FHIP1A: variants seen among roughly 807,000 people sequenced by gnomAD.
FHIP1A encodes FHF complex subunit HOOK-interacting protein 1A.
In FHIP1A, 61 loss-of-function variants were observed where a neutral mutation model predicts 88.6. That is an observed-to-expected ratio of 0.69 (90% CI 0.56 to 0.85). The LOEUF (loss-of-function observed/expected upper bound fraction) is 0.85. FHIP1A is among the 40% of genes least tolerant of loss of function. FHIP1A has a pLI of 0.00. For missense variants in FHIP1A, 1,154 were observed against 1,273.5 expected (o/e 0.91, Z 1.43); for synonymous variants, 478 against 496.0 (o/e 0.96, Z 0.48).
At chr4:151,621,707 G>A (rs1390135183) in intron 7 of FHIP1A, among the ~76,000 whole-genome samples, 1 of 152,046 alleles carries the variant, frequency 6.6e-6, no homozygotes, top group East Asian at 1.9e-4. Flanking sequence ...CCCCTCTACT[G>A]TGGGTTTTAA....
At chr4:151,586,919 G>A (rs1323780122) in intron 6 of FHIP1A, 120 bp downstream of exon 6, 6 of 795,068 alleles carry the variant, frequency 7.5e-6, no homozygotes, top group East Asian at 2.9e-5. Context: ...TGGAATATTG[G>A]TGCTTTAAGC....
rs564070484 is a variant in FHIP1A at position 151,444,361 on chromosome 4, A to G, written c.-355-10340A>G. Among the ~76,000 whole-genome samples the G allele has an allele frequency of 2.0e-5, 3 of 152,266 alleles. No homozygotes were observed. In the South Asian group the frequency reaches 6.2e-4, roughly 32 times the overall value. ...CTTTTATTTTGCTTTTTAAAATGAG[A>G]CATATACATATAAAAGAATATACAT... On this transcript the variant is annotated intron_variant, in intron 1 of 13. Transcript: ENST00000435205.
rs1269376330 is a variant in FHIP1A, at chr4:151,461,359, G to A, written c.-248+6551G>A. Among the ~76,000 whole-genome samples the A allele has an allele frequency of 3.9e-5, 6 of 152,184 alleles. No homozygotes were observed. The South Asian group carries it at 1.0e-3, about 26-fold the overall frequency. On this transcript the variant is annotated intron_variant, in intron 2 of 13. Transcript: ENST00000435205. Reference sequence around the variant, plus strand: ...CCCAGCAAATGGTCAGGCTTATTTTGTTGATGCTGCCTACCTAAGTGTGAG... The same window carrying A: ...CCCAGCAAATGGTCAGGCTTATTTTATTGATGCTGCCTACCTAAGTGTGAG...
chr4:151,548,559 T>C (rs1015815657), intron 3 of FHIP1A, among the ~76,000 whole-genome samples: 4 of 152,214 alleles, frequency 2.6e-5, no homozygotes, highest in African/African-American at 9.6e-5. Context: ...AAGTGACCTC[T>C]GGTGGTCCTC....
At chr4:151,505,003 C>A (rs567248506) in intron 3 of FHIP1A, among the ~76,000 whole-genome samples, 1 of 152,130 alleles carries the variant, frequency 6.6e-6, no homozygotes, top group African/African-American at 2.4e-5. Context: ...CCCATTACCC[C>A]CCGACCCAGT....
chr4:151,556,077 T>C (rs1332753311), intron 3 of FHIP1A, among the ~76,000 whole-genome samples: 1 of 152,150 alleles, frequency 6.6e-6, no homozygotes, highest in Non-Finnish European at 1.5e-5. Flanking sequence ...TCTCTAGTGC[T>C]AAGGTATATA....
intron 3 of FHIP1A, among the ~76,000 whole-genome samples, chr4:151,551,900 A>G (rs1732749824): frequency 2.0e-5 from 3 of 152,246 alleles, no homozygotes; most frequent in African/African-American, 7.2e-5. Flanking sequence ...GGCAACCTAC[A>G]GAATGGGAGA....
chr4:151,646,498 G>T (rs1736797055), intron 9 of FHIP1A, 60 bp from the exon 10 acceptor site: 3 of 1,221,076 alleles, frequency 2.5e-6, no homozygotes, highest in Admixed American at 4.1e-5. Context: ...GGTTTAGTTA[G>T]TCCCAGTAAT....
chr4:151,508,279 A>G (rs1730902665), intron 3 of FHIP1A, among the ~76,000 whole-genome samples: 1 of 152,232 alleles, frequency 6.6e-6, no homozygotes, highest in African/African-American at 2.4e-5. Context: ...AAGATCTGGG[A>G]AAGAACAAAG....
chr4:151,410,807 T>G (rs184209809), intron 1 of FHIP1A, among the ~76,000 whole-genome samples: 129 of 152,364 alleles, frequency 8.5e-4, no homozygotes, highest in Middle Eastern at 3.4e-3. Context: ...TTCGCATAAT[T>G]AAAGGTTGAT....
intron 7 of FHIP1A, among the ~76,000 whole-genome samples, chr4:151,601,918 G>C (rs1027467773): frequency 6.6e-6 from 1 of 152,020 alleles, no homozygotes; most frequent in African/African-American, 2.4e-5. Context: ...AATCATGGTG[G>C]AAGGCAAGCA....
chr4:151,492,274 T>A (rs1193223332), intron 3 of FHIP1A, among the ~76,000 whole-genome samples: 2 of 152,060 alleles, frequency 1.3e-5, no homozygotes, highest in African/African-American at 2.4e-5. Context: ...TCTCGATAAA[T>A]TTAAGAAAAT....
chr4:151,493,078 CATTAG>C (rs1387745509), intron 3 of FHIP1A, among the ~76,000 whole-genome samples: 1 of 152,030 alleles, frequency 6.6e-6, no homozygotes, highest in Non-Finnish European at 1.5e-5. Flanking sequence ...ATTGATAGAT[CATTAG>C]ATTAACCAAG....
chr4:151,657,528 G>T (rs1423674359), intron 13 of FHIP1A, among the ~76,000 whole-genome samples: 2 of 152,160 alleles, frequency 1.3e-5, no homozygotes, highest in Non-Finnish European at 2.9e-5. Context: ...GCTGAGGATG[G>T]CTGGCCAGGC....
intron 2 of FHIP1A, among the ~76,000 whole-genome samples, chr4:151,473,033 C>T (rs1729580911): frequency 6.6e-6 from 1 of 152,144 alleles, no homozygotes; most frequent in Non-Finnish European, 1.5e-5. Flanking sequence ...GAAAGGGTCT[C>T]CTTACTGTCT....
chr4:151,481,111 A>G (rs1416520966), intron 2 of FHIP1A, among the ~76,000 whole-genome samples: 1 of 152,042 alleles, frequency 6.6e-6, no homozygotes, highest in Admixed American at 6.6e-5. Context: ...CCATCTAAAG[A>G]TAGGAACTAT....
intron 1 of FHIP1A, among the ~76,000 whole-genome samples, chr4:151,410,088 A>G (rs953466114): frequency 2.6e-4 from 39 of 152,316 alleles, no homozygotes; most frequent in African/African-American, 8.7e-4. Flanking sequence ...GGGAGTGGGA[A>G]GAACTACCTT....
intron 8 of FHIP1A, among the ~76,000 whole-genome samples, chr4:151,638,456 G>A (rs1736446708): frequency 6.6e-6 from 1 of 151,626 alleles, no homozygotes; most frequent in Non-Finnish European, 1.5e-5. Context: ...AGATAATTCT[G>A]CACAGTGGCA....
chr4:151,561,329 A>C (rs1014371780), intron 3 of FHIP1A, among the ~76,000 whole-genome samples: 5 of 152,206 alleles, frequency 3.3e-5, no homozygotes, highest in Non-Finnish European at 7.4e-5. Context: ...CTTAAGCACA[A>C]GGTCCAGAAG....
Sources: allele counts gnomAD v4.1 joint callset (sites outside exome capture counted in the v4.1 genomes callset), GRCh38; gene constraint gnomAD v4.1.1; transcripts MANE v1.5; gene names NCBI Gene and HGNC (gene_info 2026-07-23, HGNC 2026-07-21).